MMRN2: variants seen among roughly 807,000 people sequenced by gnomAD.
The protein encoded by MMRN2 is multimerin-2.
Under a neutral mutation model 68.8 loss-of-function variants are expected in MMRN2, and 53 were observed. That is an observed-to-expected ratio of 0.77 (90% CI 0.62 to 0.97). MMRN2 has a LOEUF of 0.97. Among genes scored for constraint, MMRN2 ranks in the 50% least tolerant of loss-of-function variants. The pLI is 0.00. For synonymous variants in MMRN2, 564 were observed against 551.6 expected, an observed-to-expected ratio of 1.02 and a Z score of -0.32; for missense variants, 1,266 against 1,259.5, an observed-to-expected ratio of 1.01 and a Z score of -0.08.
At chr10:86,939,891 C>T (rs1182155933) in intron 6 of MMRN2, among the ~76,000 whole-genome samples, 1 of 151,664 alleles carries the variant, frequency 6.6e-6, no homozygotes, top group Non-Finnish European at 1.5e-5. Flanking sequence ...TACTCTGCCG[C>T]CCAGGCTGGA....
intron 6 of MMRN2, among the ~76,000 whole-genome samples, chr10:86,941,247 G>A (rs538476974): frequency 5.3e-5 from 8 of 152,308 alleles, no homozygotes; most frequent in Non-Finnish European, 1.2e-4. Flanking sequence ...CCACTGAGGT[G>A]TGTTCCAAGA....
chr10:86,952,462 G>C (rs1844158360), intron 1 of MMRN2, among the ~76,000 whole-genome samples: 1 of 152,192 alleles, frequency 6.6e-6, no homozygotes, highest in East Asian at 1.9e-4. Flanking sequence ...GTGTCGACTG[G>C]TCTGAGAAAT....
Position 86,943,025 on chromosome 10 carries a change from G to A in MMRN2, c.1759C>T (p.His587Tyr). 7.4e-7 allele frequency: 1 copy of A among 1,357,254 alleles called. No individual in the cohort carries two copies. Among genetic ancestry groups the A allele is most frequent in the Non-Finnish European group, 9.5e-7 (1 of 1,057,074 alleles). The allele number at this position is 1,357,254 out of a possible 1,614,324, so 84.1% of individuals were successfully genotyped here. Residue 587 changes from histidine (H) to tyrosine (Y), a missense_variant, in exon 6 of 7, where the codon CAC becomes TAC. Physicochemically the swap from His to Tyr is moderately conservative, Grantham distance 83 (BLOSUM62 2). Transcript: ENST00000372027. The surrounding 1 kb of genome is among the most constrained non-coding windows in gnomAD (Gnocchi z 4.2). ...GCGCTGTGCAGCTGGCGCACCTCGT[G>A]GCGGGCCTCGGCCGCGGCCGCCTTC... ...ALKAAAAEAR[H>Y]EVRQLHSAFA...
Position 86,936,970 on chromosome 10 carries a change from T to C in MMRN2, c.2623A>G (p.Ser875Gly). ...CCTGGCCCTGGGCCAAATTCAACGC[T>C]CACTGCAAACAGGTAGACACCACGC... is the stretch of plus-strand genomic sequence containing the variant. ...PERGVYLFAV[S>G]VEFGPGPGTG... Residue 875 changes from serine to glycine, a missense_variant, in exon 7 of 7, where the codon AGC (serine) becomes GGC (glycine). Coordinates refer to ENST00000372027, the MANE Select transcript of MMRN2 (RefSeq NM_024756.3). 6.2e-7 allele frequency: 1 copy of C among 1,614,098 alleles called. No homozygotes were observed. Among genetic ancestry groups the C allele is most frequent in the Non-Finnish European group, 8.5e-7 (1 of 1,179,998 alleles).
chr10:86,950,082 C>T (rs941003754), intron 1 of MMRN2, among the ~76,000 whole-genome samples: 2 of 151,894 alleles, frequency 1.3e-5, no homozygotes, highest in African/African-American at 4.8e-5. Flanking sequence ...TACGGTGGCT[C>T]ATGCCTGTAA....
chr10:86,942,780 G>C lies in MMRN2; in HGVS notation c.2004C>G (p.Ala668=). The change falls in exon 6 of 7, where the codon GCC becomes GCG. Residue 668 remains alanine, a synonymous_variant. Transcript: ENST00000372027. ...GCTCTGCCGGCCGCGGGGGCTCCGA[G>C]GCCTGCTCCAGGGCCGTCACTCGGG... ...LAARVTALEQ[A]SEPPRPAEHL... 1 of 1,371,442 alleles carries C rather than the reference G, an allele frequency of 7.3e-7. No individual in the cohort carries two copies. Among genetic ancestry groups the C allele is most frequent in the South Asian group, 1.7e-5 (1 of 59,898 alleles). 85.0% of individuals were successfully genotyped at this position (1,371,442 alleles called of 1,614,324 possible).
rs956875022 is a variant in MMRN2 at position 86,948,398 on chromosome 10, A to G, written c.165-2709T>C. On this transcript the variant is annotated intron_variant, in intron 1 of 6. Transcript: ENST00000372027. ...ACAAGACCAGGAAGCTATGAAAAAA[A>G]CAAATGAGGGGGAGATGGGAGAGGA... Among the ~76,000 whole-genome samples, 12 of 152,266 alleles carry G rather than the reference A, an allele frequency of 7.9e-5. No individual in the cohort carries two copies. The East Asian group carries it at 9.7e-4, about 12-fold the overall frequency.
At chr10:86,951,397 T>C (rs1564734638) in intron 1 of MMRN2, among the ~76,000 whole-genome samples, 1 of 152,238 alleles carries the variant, frequency 6.6e-6, no homozygotes, top group Non-Finnish European at 1.5e-5. Context: ...GTATGAAGAA[T>C]TTCAAGATGG....
intron 6 of MMRN2, among the ~76,000 whole-genome samples, chr10:86,940,530 A>G (rs1843952061): frequency 6.6e-6 from 1 of 152,230 alleles, no homozygotes; most frequent in Admixed American, 6.5e-5. Context: ...TACATGAGGT[A>G]AGCCTCGTGC....
chr10:86,954,403 T>C (rs1844188140), intron 1 of MMRN2: 1 of 152,666 alleles, frequency 6.6e-6, no homozygotes, highest in Non-Finnish European at 1.5e-5. Context: ...GCAAGGCCCT[T>C]CCCCCATCAT....
chr10:86,948,831 C>T (rs1844106720), intron 1 of MMRN2: 1 of 152,140 alleles, frequency 6.6e-6, no homozygotes, highest in African/African-American at 2.4e-5. Flanking sequence ...TGATGTACAC[C>T]TGTAGTCCCA....
chr10:86,956,744 TCTGA>T (rs1302079014), intron 1 of MMRN2, among the ~76,000 whole-genome samples: 9 of 152,316 alleles, frequency 5.9e-5, no homozygotes, highest in African/African-American at 2.2e-4. Context: ...CACCTGCTGC[TCTGA>T]CTGAGGGGCA....
Position 86,943,077 on chromosome 10 carries a change from C to T in MMRN2, c.1707G>A (p.Gln569=). The change falls in exon 6 of 7, where the codon CAG becomes CAA. Residue 569 remains glutamine, a synonymous_variant. Transcript: ENST00000372027. This position sits in a 1 kb window ranked among gnomAD's most constrained non-coding sequence, Gnocchi z 4.2. ...GCGCGCCCACCTCGTCATCCAGCGC[C>T]TGCACTTGGCTCCGGAGCCGCGACG... The part of the protein sequence containing the change: ...AATSRLRSQV[Q]ALDDEVGALK... The T allele has an allele frequency of 1.4e-6, 2 of 1,438,458 alleles. 1 individual carries two copies. Among genetic ancestry groups the T allele is most frequent in the South Asian group, 2.8e-5 (2 of 70,468 alleles). 89.1% of individuals were successfully genotyped at this position (1,438,458 alleles called of 1,614,324 possible). A position where few individuals can be genotyped will look rare whatever the true frequency, so the allele number is the denominator to read the frequency against.
rs1412993511 is a variant in MMRN2, at chr10:86,936,305, T to A, written c.*438A>T. 2 of 422,258 alleles carry A rather than the reference T, an allele frequency of 4.7e-6. No homozygotes were observed. Among genetic ancestry groups the A allele is most frequent in the African/African-American group, 4.1e-5 (2 of 49,338 alleles). The allele number at this position is 422,258 out of a possible 1,614,324, so 26.2% of individuals were successfully genotyped here. ...TGTTGGCCAAAATGTTGCCTCCATT[T>A]TAAACATTCCTCCTGGGGAAGAATG... is the stretch of plus-strand genomic sequence containing the variant. On this transcript the variant is annotated 3_prime_UTR_variant, in exon 7 of 7. Transcript: ENST00000372027.
rs142843241 is a variant in MMRN2, at chr10:86,942,547, T to A, written c.2237A>T (p.Gln746Leu). Residue 746 changes from glutamine to leucine, a missense_variant, in exon 6 of 7, where the codon CAG becomes CTG. Transcript: ENST00000372027. ...ALFATQRSLE[Q>L]HQRLFHSLFG... Reference sequence around the variant, plus strand: ...GAGGCTGTGGAAGAGCCGCTGGTGCTGCTCCAAGCTGCGCTGAGTGGCGAA... The same window carrying A: ...GAGGCTGTGGAAGAGCCGCTGGTGCAGCTCCAAGCTGCGCTGAGTGGCGAA... The A allele has an allele frequency of 5.4e-5, 87 of 1,613,272 alleles. No homozygotes were observed. Among genetic ancestry groups the A allele is most frequent in the Non-Finnish European group, 7.3e-5 (86 of 1,179,900 alleles).
chr10:86,937,291 G>T (rs1843894794), intron 6 of MMRN2, among the ~76,000 whole-genome samples, 166 bp from the exon 7 acceptor site: 1 of 152,202 alleles, frequency 6.6e-6, no homozygotes, highest in Non-Finnish European at 1.5e-5. Context: ...AGAAAAGCTA[G>T]ATGGCCAATT....
intron 6 of MMRN2, among the ~76,000 whole-genome samples, chr10:86,940,303 C>T (rs988391515): frequency 2.0e-5 from 3 of 152,198 alleles, no homozygotes; most frequent in Non-Finnish European, 4.4e-5. Context: ...AGCCACTGCG[C>T]CCGGCCTGGA....
Position 86,945,399 on chromosome 10 carries a change from C to T in MMRN2, c.371G>A (p.Gly124Asp). 1 of 1,585,332 alleles carries T rather than the reference C, an allele frequency of 6.3e-7. No individual in the cohort carries two copies. Among genetic ancestry groups the T allele is most frequent in the Non-Finnish European group, 8.6e-7 (1 of 1,164,812 alleles). ...GTGCTCGCAGTTGGGGCCCGTGTAGCCAGGGCAGCACCTCCAGGCCAAAGA... is the reference window on the plus strand; with the variant it reads ...GTGCTCGCAGTTGGGGCCCGTGTAGTCAGGGCAGCACCTCCAGGCCAAAGA... ...LTSLAWRCCP[G>D]YTGPNCEHHD... is the part of the protein sequence containing the mutation. Residue 124 changes from glycine (G) to aspartate (D), a missense_variant, in exon 3 of 7, where the codon GGC becomes GAC. Transcript: ENST00000372027.
At chr10:86,940,017 A>ATTTTT (rs34638842) in intron 6 of MMRN2, among the ~76,000 whole-genome samples, 1 of 138,196 alleles carries the variant, frequency 7.2e-6, no homozygotes, top group Non-Finnish European at 1.5e-5. Flanking sequence ...CACCGGGCTA[A>ATTTTT]TTTTTTTTTT....
Sources: allele counts gnomAD v4.1 joint callset (sites outside exome capture counted in the v4.1 genomes callset), GRCh38; gene constraint gnomAD v4.1.1; non-coding constraint Gnocchi (gnomAD v3.1); transcripts MANE v1.5; gene names NCBI Gene and HGNC (gene_info 2026-07-23, HGNC 2026-07-21).